DCAF5: variants seen among roughly 807,000 people sequenced by gnomAD.
DCAF5 encodes DDB1- and CUL4-associated factor 5.
A neutral mutation model predicts 80.7 loss-of-function variants in DCAF5; 9 were observed. The observed-to-expected ratio is 0.11, with a 90% CI of 0.07 to 0.19. The LOEUF (loss-of-function observed/expected upper bound fraction) is 0.19, where lower values mean the gene tolerates loss of function less well. Ranked by LOEUF, DCAF5 falls within the 10% of genes least tolerant of loss-of-function variation. The pLI, the probability that DCAF5 is intolerant of heterozygous loss-of-function variation, is 1.00. For missense variants in DCAF5, 842 were observed against 1,205.7 expected, an observed-to-expected ratio of 0.70 and a Z score of 4.47; for synonymous variants, 433 against 461.9, an observed-to-expected ratio of 0.94 and a Z score of 0.80.
chr14:69,079,207 T>C (rs1021746646), intron 6 of DCAF5, among the ~76,000 whole-genome samples: 7 of 152,192 alleles, frequency 4.6e-5, no homozygotes, highest in Admixed American at 6.5e-5. Context: ...GTTCGGCTAT[T>C]CATCAGGGCA....
intron 5 of DCAF5, among the ~76,000 whole-genome samples, chr14:69,098,893 C>CAAAAAAAAAAAAAAAAAAAAAAA (rs57089112): frequency 1.7e-5 from 1 of 59,578 alleles, no homozygotes; most frequent in Non-Finnish European, 3.1e-5. Flanking sequence ...ACTCTGTCTC[C>CAAAAAAAAAAAAAAAAAAAAAAA]AAAAAAAAAA....
chr14:69,117,466 T>C lies in DCAF5; in HGVS notation c.535+673A>G, dbSNP rs541154651. 1.2e-4 allele frequency among the ~76,000 whole-genome samples: 18 copies of C among 152,296 alleles called. No homozygotes were observed. In the South Asian group the frequency reaches 2.9e-3, roughly 25 times the overall value. On this transcript the variant is annotated intron_variant, in intron 4 of 8. Coordinates refer to ENST00000341516, the MANE Select transcript of DCAF5 (RefSeq NM_003861.3). Reference sequence around the variant, plus strand: ...AGTAAATTTAGGTACACAGCTGTGATCATTACAATCTGCACTAAAGGCCAC... The same window carrying C: ...AGTAAATTTAGGTACACAGCTGTGACCATTACAATCTGCACTAAAGGCCAC...
At chr14:69,070,307 C>T (rs2038636233) in intron 7 of DCAF5, among the ~76,000 whole-genome samples, 1 of 152,210 alleles carries the variant, frequency 6.6e-6, no homozygotes, top group African/African-American at 2.4e-5. Context: ...AAATCCATTA[C>T]TTTCATACCT....
chr14:69,129,828 C>G (rs967651324), intron 1 of DCAF5, among the ~76,000 whole-genome samples: 7 of 152,190 alleles, frequency 4.6e-5, no homozygotes, highest in Admixed American at 2.0e-4. Context: ...CAAAGACAAG[C>G]AGAGGCCAGG....
At chr14:69,110,201 C>T (rs1446317741) in intron 5 of DCAF5, among the ~76,000 whole-genome samples, 1 of 144,550 alleles carries the variant, frequency 6.9e-6, no homozygotes, top group Non-Finnish European at 1.5e-5. Flanking sequence ...TTTATAAATT[C>T]TGGATATTCT....
chr14:69,077,302 C>T (rs956723800), intron 6 of DCAF5, among the ~76,000 whole-genome samples: 1 of 151,504 alleles, frequency 6.6e-6, no homozygotes, highest in African/African-American at 2.4e-5. Flanking sequence ...TCCTGGGCTC[C>T]AGTGATCCTC....
At chr14:69,104,334 ATTTC>A (rs761529363) in intron 5 of DCAF5, among the ~76,000 whole-genome samples, 7 of 152,272 alleles carry the variant, frequency 4.6e-5, no homozygotes, top group Admixed American at 1.3e-4. Context: ...GGCATTTTTA[ATTTC>A]TTTATGGATA....
chr14:69,143,553 CT>C (rs562355110), intron 1 of DCAF5, among the ~76,000 whole-genome samples: 1,904 of 102,154 alleles, frequency 0.019, 12 homozygotes, highest in African/African-American at 0.028. Flanking sequence ...ATCTGTTAAA[CT>C]TTTTTTTTTT....
intron 7 of DCAF5, among the ~76,000 whole-genome samples, chr14:69,069,861 T>C (rs1344840312): frequency 6.6e-6 from 1 of 152,096 alleles, no homozygotes; most frequent in Admixed American, 6.5e-5. Flanking sequence ...CATCAAGCGA[T>C]CCTCCCACCT....
intron 5 of DCAF5, among the ~76,000 whole-genome samples, chr14:69,111,947 G>T (rs928813259): frequency 8.5e-5 from 13 of 152,054 alleles, no homozygotes; most frequent in Non-Finnish European, 1.9e-4. Flanking sequence ...TGTAAATGAG[G>T]GATACACCTG....
chr14:69,068,896 C>T (rs2038573141), intron 7 of DCAF5, among the ~76,000 whole-genome samples: 1 of 152,060 alleles, frequency 6.6e-6, no homozygotes, highest in Non-Finnish European at 1.5e-5. Context: ...TCCTGGAGAC[C>T]ACATAACTAC....
At chr14:69,106,266 G>C (rs2040155508) in intron 5 of DCAF5, among the ~76,000 whole-genome samples, 1 of 151,964 alleles carries the variant, frequency 6.6e-6, no homozygotes. Flanking sequence ...ATGTTGGCCA[G>C]GCTGGTCTCA....
intron 5 of DCAF5, among the ~76,000 whole-genome samples, chr14:69,113,139 TG>T (rs1595022474): frequency 6.6e-6 from 1 of 152,000 alleles, no homozygotes; most frequent in Non-Finnish European, 1.5e-5. Flanking sequence ...AGTGTAGGCT[TG>T]GGGTAAGACA....
chr14:69,091,571 G>A, intron 6 of DCAF5, 103 bp downstream of exon 6: 2 of 1,080,914 alleles, frequency 1.9e-6, no homozygotes, highest in East Asian at 2.4e-5. Context: ...CCCCTTAATT[G>A]TTTCTACCTG....
rs148867811 is a variant in DCAF5 at position 69,054,935 on chromosome 14, C to T, written c.1751G>A (p.Arg584Gln). Residue 584 changes from arginine (R) to glutamine (Q), a missense_variant, in exon 9 of 9, where the codon CGG becomes CAG. By Grantham distance (43) the Arg-to-Gln change is conservative (BLOSUM62 1). This residue lies in a region of DCAF5 where 607 missense variants were observed against 656.6 expected (regional missense o/e 0.92). Transcript: ENST00000341516. The stretch of plus-strand genomic sequence containing the variant: ...CTTCTGTCGGCGCCGCATGGCATTC[C>T]GCTGCCAGGTAGAGGCTCGGCGTTC... ...LNERRASTWQ[R>Q]NAMRRRQKTT... 1,358 of 1,614,212 alleles carry T rather than the reference C, an allele frequency of 8.4e-4. 1 individual carries two copies. The highest frequency in any genetic ancestry group is 1.1e-3 in the Non-Finnish European group (1,291 of 1,180,036).
chr14:69,129,461 C>T (rs996058918), intron 1 of DCAF5, among the ~76,000 whole-genome samples: 1 of 152,176 alleles, frequency 6.6e-6, no homozygotes, highest in South Asian at 2.1e-4. Flanking sequence ...GGGCGCTAAA[C>T]AGCTGTGCCC....
chr14:69,127,977 GTATTATAATGGCAT>G (rs2040926653), intron 1 of DCAF5, among the ~76,000 whole-genome samples: 1 of 151,672 alleles, frequency 6.6e-6, no homozygotes, highest in Non-Finnish European at 1.5e-5. Flanking sequence ...CATCTTTTAG[GTATTATAATGGCAT>G]TATGGTTATG....
chr14:69,144,643 C>T (rs989776059), intron 1 of DCAF5, among the ~76,000 whole-genome samples: 1 of 152,114 alleles, frequency 6.6e-6, no homozygotes, highest in Non-Finnish European at 1.5e-5. Context: ...AATAAACATA[C>T]TTAAGTAAAA....
chr14:69,054,436 G>A lies in DCAF5; in HGVS notation c.2250C>T (p.Ser750=). The A allele has an allele frequency of 6.2e-7, 1 of 1,614,046 alleles. No homozygotes were observed. The highest frequency in any genetic ancestry group is 8.5e-7 in the Non-Finnish European group (1 of 1,180,048). Residue 750 remains serine, a synonymous_variant, in exon 9 of 9, where the codon AGC becomes AGT. Transcript: ENST00000341516. ...TPSNGPGHEH[S]SHAWAEVPEG... The stretch of plus-strand genomic sequence containing the variant: ...CTGGCACCTCTGCCCAAGCATGGCT[G>A]CTGTGCTCATGGCCTGGGCCATTGC...
Sources: allele counts gnomAD v4.1 joint callset (sites outside exome capture counted in the v4.1 genomes callset), GRCh38; gene constraint gnomAD v4.1.1; regional missense constraint gnomAD v4.1.1; transcripts MANE v1.5; gene names NCBI Gene and HGNC (gene_info 2026-07-23, HGNC 2026-07-21).